The following PRTFDC1 variants were observed in gnomAD, a reference collection of about 807,000 sequenced individuals.
The protein encoded by PRTFDC1 is phosphoribosyl transferase domain containing 1.
Under a neutral mutation model 34.6 loss-of-function variants are expected in PRTFDC1, and 38 were observed. The ratio of observed to expected loss-of-function variants is 1.10; its 90% CI spans 0.85 to 1.44. PRTFDC1 has a LOEUF of 1.44. Among genes scored for constraint, PRTFDC1 ranks in the 40% most tolerant of loss-of-function variants. The pLI is 0.00. For missense variants in PRTFDC1, 270 were observed against 283.0 expected (o/e 0.95, Z 0.33); for synonymous variants, 93 against 98.1 (o/e 0.95, Z 0.31).
chr10:24,940,079 G>A (rs969670006), intron 2 of PRTFDC1, among the ~76,000 whole-genome samples: 3 of 152,034 alleles, frequency 2.0e-5, no homozygotes, highest in African/African-American at 4.8e-5. Context: ...GAACTGCAAG[G>A]AGAAACAGGC....
chr10:24,892,878 C>T (rs895969862), intron 3 of PRTFDC1, among the ~76,000 whole-genome samples: 23 of 152,098 alleles, frequency 1.5e-4, no homozygotes, highest in Admixed American at 3.3e-4. Flanking sequence ...TAAGGATACA[C>T]GAGTGATTTT....
chr10:24,883,708 A>T (rs1848117695), intron 3 of PRTFDC1, among the ~76,000 whole-genome samples: 1 of 151,852 alleles, frequency 6.6e-6, no homozygotes, highest in Non-Finnish European at 1.5e-5. Flanking sequence ...AAACACATGG[A>T]GCCTCTTGAC....
At chr10:24,908,630 C>T (rs1268389441) in intron 3 of PRTFDC1, 1 of 1,612,128 alleles carries the variant, frequency 6.2e-7, no homozygotes, top group African/African-American at 1.3e-5. Flanking sequence ...ATACCCTTGA[C>T]TGAAGGCCAG....
At chr10:24,860,757 C>T (rs1247966645) in intron 4 of PRTFDC1, among the ~76,000 whole-genome samples, 1 of 152,098 alleles carries the variant, frequency 6.6e-6, no homozygotes, top group African/African-American at 2.4e-5. Context: ...CAGGGGAGTC[C>T]TCTTGGTATT....
intron 3 of PRTFDC1, among the ~76,000 whole-genome samples, chr10:24,884,564 A>G (rs990117651): frequency 1.1e-4 from 17 of 152,250 alleles, no homozygotes; most frequent in African/African-American, 4.1e-4. Context: ...CACAAATACC[A>G]AAACACTAAG....
At chr10:24,874,921 C>T (rs550257098) in intron 3 of PRTFDC1, among the ~76,000 whole-genome samples, 120 of 152,264 alleles carry the variant, frequency 7.9e-4, no homozygotes, top group Non-Finnish European at 1.5e-3. Flanking sequence ...AGTGAGTTCT[C>T]ACGAAATATG....
At chr10:24,937,597 G>A (rs1849075844) in intron 2 of PRTFDC1, among the ~76,000 whole-genome samples, 2 of 141,726 alleles carry the variant, frequency 1.4e-5, no homozygotes, top group South Asian at 4.4e-4. Flanking sequence ...TCACTCTGTT[G>A]CCCAGGCTGC....
chr10:24,945,395 G>T (rs1003996342), intron 1 of PRTFDC1, among the ~76,000 whole-genome samples: 3 of 152,176 alleles, frequency 2.0e-5, no homozygotes, highest in Non-Finnish European at 4.4e-5. Context: ...ACTGTTCAAG[G>T]TTCTGGAGAT....
In PRTFDC1 at chr10:24,872,766, G is replaced by A. The variant is rs571154380; in HGVS notation, c.340-703C>T. Among the ~76,000 whole-genome samples the A allele has an allele frequency of 1.8e-4, 19 of 108,152 alleles. No individual in the cohort carries two copies. The Admixed American group carries it at 1.9e-3, about 11-fold the overall frequency. The allele number at this position is 108,152 out of a possible 152,430, so 71.0% of individuals were successfully genotyped here. On this transcript the variant is annotated intron_variant, in intron 3 of 8. Transcript: ENST00000320152. Reference sequence around the variant, plus strand: ...CAAATATATGTGCACACGTGTGTGTGTATATATATATGTGTGTGTGTGTAT... The same window carrying A: ...CAAATATATGTGCACACGTGTGTGTATATATATATATGTGTGTGTGTGTAT...
Position 24,902,078 on chromosome 10 carries a change from C to T in PRTFDC1, c.340-30015G>A, listed in dbSNP as rs570737333. 1.8e-3 allele frequency among the ~76,000 whole-genome samples: 278 copies of T among 152,240 alleles called. 6 individuals are homozygous for T. The highest frequency in any genetic ancestry group is 4.6e-3 in the South Asian group (22 of 4,826). On this transcript the variant is annotated intron_variant, in intron 3 of 8. Coordinates refer to ENST00000320152, the MANE Select transcript of PRTFDC1 (RefSeq NM_020200.7). Reference sequence around the variant, plus strand: ...CCTGCACAGCTGCAGTGGTTACTGGCAGTGAAAACTGCTGCAGCAAAGGGA... The same window carrying T: ...CCTGCACAGCTGCAGTGGTTACTGGTAGTGAAAACTGCTGCAGCAAAGGGA...
chr10:24,855,766 G>A (rs2478095), intron 6 of PRTFDC1, among the ~76,000 whole-genome samples: 5,303 of 152,226 alleles, frequency 0.035, 142 homozygotes, highest in Non-Finnish European at 0.052. Context: ...TTGCACTCCA[G>A]CCTAGGTGAC....
intron 7 of PRTFDC1, among the ~76,000 whole-genome samples, chr10:24,854,147 G>C (rs1184840686): frequency 6.6e-6 from 1 of 152,140 alleles, no homozygotes; most frequent in Non-Finnish European, 1.5e-5. Context: ...TTTTATTGCT[G>C]TTATTATAAG....
chr10:24,919,487 A>T (rs934239287), intron 3 of PRTFDC1, among the ~76,000 whole-genome samples: 1 of 152,230 alleles, frequency 6.6e-6, no homozygotes, highest in Non-Finnish European at 1.5e-5. Context: ...TTAACTCCAG[A>T]TGGATTAAAG....
chr10:24,865,840 A>T (rs183439412), intron 4 of PRTFDC1, among the ~76,000 whole-genome samples: 9 of 152,282 alleles, frequency 5.9e-5, no homozygotes, highest in Admixed American at 5.9e-4. Context: ...TGTATTGGGG[A>T]TATGGAGAAT....
At chr10:24,898,967 C>T (rs1268963527) in intron 3 of PRTFDC1, among the ~76,000 whole-genome samples, 6 of 149,202 alleles carry the variant, frequency 4.0e-5, no homozygotes, top group Non-Finnish European at 7.4e-5. Flanking sequence ...AAGCTGGCCA[C>T]ATGCAACCCG....
intron 3 of PRTFDC1, among the ~76,000 whole-genome samples, chr10:24,881,312 C>T (rs1848077193): frequency 1.3e-5 from 2 of 152,062 alleles, no homozygotes; most frequent in Admixed American, 1.3e-4. Context: ...TCAAGTGATC[C>T]TCCTGCCTTG....
At chr10:24,849,960 G>A in intron 8 of PRTFDC1, 69 bp from the exon 9 acceptor site, 1 of 1,436,866 alleles carries the variant, frequency 7.0e-7, no homozygotes, top group South Asian at 1.1e-5. Context: ...AGGTGATGCA[G>A]TAATAACCGA....
At chr10:24,912,191 C>A (rs1848635819) in intron 3 of PRTFDC1, among the ~76,000 whole-genome samples, 1 of 140,602 alleles carries the variant, frequency 7.1e-6, no homozygotes, top group Admixed American at 7.6e-5. Context: ...ATTGCTTGAA[C>A]CCAGGAGGCA....
rs1241040639 is a variant in PRTFDC1, at chr10:24,952,449, G to A, written c.48+79C>T. ...GGCCCTCTCTCTCCCCCGACGCACGGCAAGCATTTAATCTACAAGCAGGGT... is the reference window on the plus strand; with the variant it reads ...GGCCCTCTCTCTCCCCCGACGCACGACAAGCATTTAATCTACAAGCAGGGT... On this transcript the variant is annotated intron_variant, in intron 1 of 8. Transcript: ENST00000320152. This position sits in a 1 kb window ranked among gnomAD's most constrained non-coding sequence, Gnocchi z 5.1. The A allele has an allele frequency of 4.1e-6, 6 of 1,468,652 alleles. No individual in the cohort carries two copies. In the East Asian group the frequency reaches 1.5e-4, roughly 37 times the overall value. The allele number at this position is 1,468,652 out of a possible 1,614,324, so 91.0% of individuals were successfully genotyped here. A position where few individuals can be genotyped will look rare whatever the true frequency, so the allele number is the denominator to read the frequency against.
Sources: gnomAD v4.1 joint callset for allele counts (sites outside exome capture counted in the v4.1 genomes callset) on GRCh38, gnomAD v4.1.1 for gene constraint, Gnocchi (gnomAD v3.1) non-coding constraint, MANE v1.5 for transcripts, NCBI Gene and HGNC (gene_info 2026-07-23, HGNC 2026-07-21) for gene names.